Variants in C7 observed in about 807,000 individuals in gnomAD.
The protein encoded by C7 is complement component C7.
C7 carries 83 observed loss-of-function variants against 104.8 expected under a neutral mutation model. The observed-to-expected ratio is 0.79, with a 90% CI of 0.66 to 0.95. C7 has a LOEUF of 0.95. Among genes scored for constraint, C7 ranks in the 40% least tolerant of loss-of-function variants. The pLI, the probability that C7 is intolerant of heterozygous loss-of-function variation, is 0.00. For synonymous variants in C7, 415 were observed against 360.6 expected (o/e 1.15, Z -1.71); for missense variants, 1,070 against 1,011.2 (o/e 1.06, Z -0.79).
chr5:40,919,252 G>A (rs1739391316), intron 1 of C7, among the ~76,000 whole-genome samples: 1 of 151,580 alleles, frequency 6.6e-6, no homozygotes, highest in South Asian at 2.1e-4. Context: ...TCCCTTCCGA[G>A]CAGCTGGGAC....
intron 3 of C7, among the ~76,000 whole-genome samples, chr5:40,933,877 C>G (rs1175095291): frequency 6.6e-6 from 1 of 151,794 alleles, no homozygotes; most frequent in Non-Finnish European, 1.5e-5. Flanking sequence ...ATTCTATGCT[C>G]TAATGTATTT....
intron 1 of C7, 39 bp downstream of exon 1, chr5:40,909,655 T>A: frequency 6.9e-7 from 1 of 1,451,462 alleles, no homozygotes. Flanking sequence ...AATGAAGCTA[T>A]CTTTTCAAAT....
chr5:40,973,760 A>G (rs143684088), intron 15 of C7, among the ~76,000 whole-genome samples: 2 of 152,390 alleles, frequency 1.3e-5, no homozygotes, highest in Non-Finnish European at 2.9e-5. Flanking sequence ...AACAATATAC[A>G]GTTGATGAGG....
intron 2 of C7, among the ~76,000 whole-genome samples, chr5:40,929,700 T>G (rs570269415): frequency 1.3e-5 from 2 of 152,340 alleles, no homozygotes; most frequent in East Asian, 3.9e-4. Context: ...GGTAGTCTTT[T>G]CCATATGACA....
At chr5:40,925,050 G>T (rs1203673098) in intron 1 of C7, among the ~76,000 whole-genome samples, 1 of 152,180 alleles carries the variant, frequency 6.6e-6, no homozygotes, top group African/African-American at 2.4e-5. Flanking sequence ...AGCCCTCCTT[G>T]AATTCCTCTC....
rs531103546 is a variant in C7 at position 40,936,337 on chromosome 5, G to T, written c.281-1G>T. On this transcript the variant is annotated splice_acceptor_variant, in intron 4 of 17. Transcript: ENST00000313164. LOFTEE classifies it high-confidence loss of function. ...TGCACGTGGATTTCTCTGGTGTTCAGGTCAGTGCATCAGCAAATCATTGGT... is the reference window on the plus strand; with the variant it reads ...TGCACGTGGATTTCTCTGGTGTTCATGTCAGTGCATCAGCAAATCATTGGT... 68 of 1,613,116 alleles carry T rather than the reference G, an allele frequency of 4.2e-5. No homozygotes were observed. In the East Asian group the frequency reaches 1.5e-3, roughly 35 times the overall value.
chr5:40,928,533 A>T, intron 1 of C7, 47 bp from the exon 2 acceptor site: 5 of 1,106,878 alleles, frequency 4.5e-6, no homozygotes, highest in South Asian at 3.0e-5. Flanking sequence ...TATAGTTATA[A>T]AAAGAAATGC....
chr5:40,974,960 C>T (rs1740782724), intron 15 of C7, among the ~76,000 whole-genome samples: 1 of 152,108 alleles, frequency 6.6e-6, no homozygotes, highest in Non-Finnish European at 1.5e-5. Context: ...GGTCTCTACC[C>T]AACAGTAGCA....
chr5:40,973,634 A>G (rs1740748890), intron 15 of C7, among the ~76,000 whole-genome samples: 1 of 152,234 alleles, frequency 6.6e-6, no homozygotes, highest in Non-Finnish European at 1.5e-5. Flanking sequence ...AAGTTATCAA[A>G]GCTCCATCTC....
intron 1 of C7, among the ~76,000 whole-genome samples, chr5:40,917,244 C>T (rs1425145490): frequency 3.9e-5 from 6 of 152,010 alleles, no homozygotes; most frequent in Non-Finnish European, 7.4e-5. Flanking sequence ...GTTTTGTAAC[C>T]TTTGACCAAC....
intron 1 of C7, among the ~76,000 whole-genome samples, chr5:40,924,957 G>A (rs1412066513): frequency 2.0e-5 from 3 of 152,176 alleles, no homozygotes; most frequent in East Asian, 1.9e-4. Context: ...AAGTGCCTTC[G>A]GGGCCTCTTC....
At chr5:40,923,961 CT>C (rs771668920) in intron 1 of C7, among the ~76,000 whole-genome samples, 2 of 152,078 alleles carry the variant, frequency 1.3e-5, no homozygotes, top group Admixed American at 6.6e-5. Flanking sequence ...CATTCCACCC[CT>C]GGCCCCCTGA....
In C7 at chr5:40,945,337, C is replaced by G. The variant is rs751324086; in HGVS notation, c.707C>G (p.Thr236Ser). 8 of 1,599,286 alleles carry G rather than the reference C, an allele frequency of 5.0e-6. No individual in the cohort carries two copies. In the South Asian group the frequency reaches 9.2e-5, roughly 18 times the overall value. ...TCATCATCTTCTTCACGCAGTTATA[C>G]TTCACATACCAATGAAATCCATAAA... The part of the protein sequence containing the change: ...RSSSSSSRSY[T>S]SHTNEIHKGK... The change falls in exon 7 of 18, where the codon ACT becomes AGT. Residue 236 changes from threonine to serine, a missense_variant. By Grantham distance (58) the Thr-to-Ser change is moderately conservative. Transcript: ENST00000313164.
rs114461577 is a variant in C7 at position 40,934,316 on chromosome 5, T to C, written c.139-9T>C. 2,893 of 1,574,272 alleles carry C rather than the reference T, an allele frequency of 1.8e-3. 55 individuals carry two copies. In the African/African-American group the frequency reaches 0.036, roughly 20 times the overall value. ...TAAACAAACAAACCACTGCCTGCTTTGTGTTTAGACTCGCAGGCGGTCAGT... is the reference window on the plus strand; with the variant it reads ...TAAACAAACAAACCACTGCCTGCTTCGTGTTTAGACTCGCAGGCGGTCAGT... On this transcript the variant is annotated splice_polypyrimidine_tract_variant and intron_variant, in intron 3 of 17. Coordinates refer to ENST00000313164, the MANE Select transcript of C7 (RefSeq NM_000587.4).
At chr5:40,915,342 A>G (rs1739297346) in intron 1 of C7, among the ~76,000 whole-genome samples, 1 of 152,094 alleles carries the variant, frequency 6.6e-6, no homozygotes, top group South Asian at 2.1e-4. Context: ...AGGTGGCGCA[A>G]TTTTGAAGTG....
intron 1 of C7, among the ~76,000 whole-genome samples, chr5:40,918,220 G>A (rs1332696859): frequency 1.3e-5 from 2 of 151,950 alleles, no homozygotes; most frequent in Admixed American, 6.6e-5. Flanking sequence ...TTAGCTGGAT[G>A]TGGTGGCACG....
chr5:40,922,167 G>A (rs1317939752), intron 1 of C7, among the ~76,000 whole-genome samples: 1 of 151,522 alleles, frequency 6.6e-6, no homozygotes, highest in Non-Finnish European at 1.5e-5. Flanking sequence ...ACAAGGTCAG[G>A]AGTTCAAGAC....
intron 3 of C7, among the ~76,000 whole-genome samples, chr5:40,932,302 T>A (rs936302744): frequency 6.6e-5 from 10 of 152,284 alleles, no homozygotes; most frequent in Middle Eastern, 3.4e-3. Flanking sequence ...GATATTTAAG[T>A]TGTTTCCATT....
At chr5:40,945,968 G>C (rs2111625662) in intron 7 of C7, among the ~76,000 whole-genome samples, 1 of 148,014 alleles carries the variant, frequency 6.8e-6, no homozygotes, top group African/African-American at 2.5e-5. Context: ...ATTTGAAGAT[G>C]TTTACAAAGC....
Sources: allele counts gnomAD v4.1 joint callset (sites outside exome capture counted in the v4.1 genomes callset), GRCh38; gene constraint gnomAD v4.1.1; transcripts MANE v1.5; gene names NCBI Gene and HGNC (gene_info 2026-07-23, HGNC 2026-07-21).